PHF24: variants seen among roughly 807,000 people sequenced by gnomAD.
The protein encoded by PHF24 is Galpha inhibitory interacting protein.
A neutral mutation model predicts 42.6 loss-of-function variants in PHF24; 25 were observed. The ratio of observed to expected loss-of-function variants is 0.59; its 90% CI spans 0.43 to 0.82. The LOEUF (loss-of-function observed/expected upper bound fraction) is 0.82, where lower values mean the gene tolerates loss of function less well. Ranked by LOEUF, PHF24 falls within the 40% of genes least tolerant of loss-of-function variation. The pLI is 0.00. For missense variants in PHF24, 470 were observed against 538.1 expected, an observed-to-expected ratio of 0.87 and a Z score of 1.25; for synonymous variants, 185 against 204.8, an observed-to-expected ratio of 0.90 and a Z score of 0.83.
the PHF24 span, among the ~76,000 whole-genome samples, chr9:34,741,633 A>G: frequency 2.6e-5 from 4 of 152,294 alleles, no homozygotes; most frequent in Non-Finnish European, 4.4e-5. Context: ...AAGTGCTGGG[A>G]TTATAGGCAT....
the PHF24 span, among the ~76,000 whole-genome samples, chr9:34,806,676 C>G: frequency 6.6e-6 from 1 of 152,188 alleles, no homozygotes. Flanking sequence ...CCAGGTTGGT[C>G]TTGAACTACT....
chr9:34,854,658 A>T, the PHF24 span, among the ~76,000 whole-genome samples: 1 of 152,040 alleles, frequency 6.6e-6, no homozygotes, highest in Non-Finnish European at 1.5e-5. Flanking sequence ...TTATTATGTC[A>T]GTTATTTTGC....
chr9:34,871,766 C>T, the PHF24 span, among the ~76,000 whole-genome samples: 1 of 152,126 alleles, frequency 6.6e-6, no homozygotes. Flanking sequence ...TGTTCTTCAC[C>T]ACTACCACAC....
At chr9:34,751,144 C>T in the PHF24 span, among the ~76,000 whole-genome samples, 1 of 152,140 alleles carries the variant, frequency 6.6e-6, no homozygotes, top group African/African-American at 2.4e-5. Context: ...GAGGGTGGAT[C>T]ACCTGATGTC....
At chr9:34,837,665 G>A in the PHF24 span, 20 of 1,522,150 alleles carry the variant, frequency 1.3e-5, no homozygotes, top group Middle Eastern at 1.9e-4. Context: ...TGTTGATGCT[G>A]CATCTCTAGC....
the PHF24 span, among the ~76,000 whole-genome samples, chr9:34,825,658 C>A: frequency 2.6e-5 from 4 of 152,000 alleles, no homozygotes; most frequent in African/African-American, 9.7e-5. Flanking sequence ...AATCCAAGTT[C>A]ATGAGTCCAA....
rs182460593 is a variant in PHF24, at chr9:34,958,915, C to T, written c.-5+514C>T. ...CATGGGATCCATGAGTGACTTCCCA[C>T]GGCTCCAAGGACTTTGGCCTCCACC... On this transcript the variant is annotated intron_variant, in intron 1 of 7. Coordinates refer to ENST00000242315, the Ensembl canonical transcript of PHF24. This position sits in a 1 kb window ranked among gnomAD's most constrained non-coding sequence, Gnocchi z 4.5. Among the ~76,000 whole-genome samples, 371 of 152,324 alleles carry T rather than the reference C, an allele frequency of 2.4e-3. 4 individuals are homozygous for T. The highest frequency in any genetic ancestry group is 1.8e-3 in the Non-Finnish European group (123 of 68,018).
the PHF24 span, among the ~76,000 whole-genome samples, chr9:34,937,485 T>G: frequency 6.6e-6 from 1 of 151,998 alleles, no homozygotes; most frequent in Non-Finnish European, 1.5e-5. Context: ...TTCCCTAATC[T>G]CAAGTACCCA....
the PHF24 span, among the ~76,000 whole-genome samples, chr9:34,686,298 G>A: frequency 6.6e-6 from 1 of 152,190 alleles, no homozygotes; most frequent in African/African-American, 2.4e-5. Context: ...GTGACATGGA[G>A]CTTGCCTGCC....
chr9:34,676,547 C>A, the PHF24 span, among the ~76,000 whole-genome samples: 6 of 152,294 alleles, frequency 3.9e-5, no homozygotes, highest in South Asian at 1.2e-3. Flanking sequence ...TACAGATCTA[C>A]TTCTGGGTTC....
the PHF24 span, among the ~76,000 whole-genome samples, chr9:34,805,793 C>T: frequency 5.5e-4 from 83 of 152,272 alleles, no homozygotes; most frequent in South Asian, 4.4e-3. Flanking sequence ...CCAACTCCAA[C>T]ATTATGAATG....
At chr9:34,923,986 G>T in the PHF24 span, among the ~76,000 whole-genome samples, 1 of 151,844 alleles carries the variant, frequency 6.6e-6, no homozygotes, top group Non-Finnish European at 1.5e-5. Flanking sequence ...TTATCCCATA[G>T]ATTTTGGTAT....
At chr9:34,787,141 A>T in the PHF24 span, among the ~76,000 whole-genome samples, 1 of 152,078 alleles carries the variant, frequency 6.6e-6, no homozygotes, top group Admixed American at 6.5e-5. Flanking sequence ...GGACATTTAC[A>T]CCCGGTATTT....
At chr9:34,688,460 A>T in the PHF24 span, among the ~76,000 whole-genome samples, 7 of 152,128 alleles carry the variant, frequency 4.6e-5, no homozygotes, top group Admixed American at 3.9e-4. Context: ...TTCTGGTCTC[A>T]TCTGGGGAGA....
chr9:34,955,005 A>G (rs1826336848), upstream of PHF24, among the ~76,000 whole-genome samples: 1 of 152,198 alleles, frequency 6.6e-6, no homozygotes, highest in African/African-American at 2.4e-5. Context: ...CTCTTTAAGT[A>G]TTATTTTTTA....
At chr9:34,776,634 C>G in the PHF24 span, among the ~76,000 whole-genome samples, 1 of 152,136 alleles carries the variant, frequency 6.6e-6, no homozygotes, top group Non-Finnish European at 1.5e-5. Context: ...TCAGAATTCT[C>G]TTGTATCTCA....
chr9:34,936,859 G>T, the PHF24 span, among the ~76,000 whole-genome samples: 5 of 151,312 alleles, frequency 3.3e-5, no homozygotes, highest in African/African-American at 1.2e-4. Flanking sequence ...TAAGTGAGGA[G>T]CCCCTCCGCC....
the PHF24 span, among the ~76,000 whole-genome samples, chr9:34,803,916 A>T: frequency 6.6e-6 from 1 of 152,186 alleles, no homozygotes; most frequent in Non-Finnish European, 1.5e-5. Context: ...AGCTGCTGGA[A>T]GAAATTTCTA....
At chr9:34,881,916 G>A in the PHF24 span, among the ~76,000 whole-genome samples, 1 of 152,190 alleles carries the variant, frequency 6.6e-6, no homozygotes, top group East Asian at 1.9e-4. Context: ...CAAAAACAGA[G>A]AATTTTAGAC....
Sources: gnomAD v4.1 joint callset for allele counts (sites outside exome capture counted in the v4.1 genomes callset) on GRCh38, gnomAD v4.1.1 for gene constraint, Gnocchi (gnomAD v3.1) non-coding constraint, MANE v1.5 for transcripts, NCBI Gene and HGNC (gene_info 2026-07-23, HGNC 2026-07-21) for gene names.